The following CRABP1 variants were observed in gnomAD, a reference collection of about 807,000 sequenced individuals.
CRABP1 encodes cellular retinoic acid-binding protein 1.
Under a neutral mutation model 16.4 loss-of-function variants are expected in CRABP1, and 9 were observed. That is an observed-to-expected ratio of 0.55 (90% CI 0.33 to 0.96). CRABP1 has a LOEUF of 0.96. Ranked by LOEUF, CRABP1 falls within the 40% of genes least tolerant of loss-of-function variation. The probability of loss-of-function intolerance (pLI) is 0.03; values close to 1 mark genes in which losing one functional copy is unlikely to be tolerated. For synonymous variants in CRABP1, 72 were observed against 70.4 expected, an observed-to-expected ratio of 1.02 and a Z score of -0.11; for missense variants, 157 against 186.0, an observed-to-expected ratio of 0.84 and a Z score of 0.91.
intron 3 of CRABP1, among the ~76,000 whole-genome samples, chr15:78,346,987 G>GTTTTTTT (rs202225866): frequency 2.8e-5 from 4 of 143,224 alleles, no homozygotes; most frequent in African/African-American, 8.4e-5. Context: ...CTTGGTTTTT[G>GTTTTTTT]TTTTTGTTTT....
At chr15:78,342,814 T>C (rs1329359330) in intron 2 of CRABP1, among the ~76,000 whole-genome samples, 1 of 152,226 alleles carries the variant, frequency 6.6e-6, no homozygotes, top group Non-Finnish European at 1.5e-5. Flanking sequence ...TGATGACAGA[T>C]GTGGTTACAA....
rs1241008432 is a variant in CRABP1, at chr15:78,348,002, C to A, written c.*25C>A. The A allele has an allele frequency of 1.2e-6, 2 of 1,612,406 alleles. No individual in the cohort carries two copies. The highest frequency in any genetic ancestry group is 2.7e-5 in the African/African-American group (2 of 74,946). ...AAGGCAGCTGGCTTGCTCCTACTTT[C>A]AGGAAGGGATGCAGGCTCCCCTGAG... On this transcript the variant is annotated 3_prime_UTR_variant, in exon 4 of 4. Coordinates refer to ENST00000299529, the MANE Select transcript of CRABP1 (RefSeq NM_004378.3).
At position 78,348,067 on chromosome 15, in the gene CRABP1, T is replaced by A. The variant is rs878910450; in HGVS notation, c.*90T>A. 1 of 1,239,312 alleles carries A rather than the reference T, an allele frequency of 8.1e-7. No individual in the cohort carries two copies. Among genetic ancestry groups the A allele is most frequent in the South Asian group, 1.3e-5 (1 of 79,758 alleles). 76.8% of individuals were successfully genotyped at this position (1,239,312 alleles called of 1,614,324 possible). On this transcript the variant is annotated 3_prime_UTR_variant, in exon 4 of 4. Transcript: ENST00000299529. ...TCTGAGCTGCCAGTGGACCGCCCTT[T>A]TCCCCTACCAATATTAGGTGATCCC...
intron 2 of CRABP1, 70 bp from the exon 3 acceptor site, chr15:78,343,429 T>A: frequency 8.5e-7 from 1 of 1,182,696 alleles, no homozygotes; most frequent in East Asian, 2.4e-5. Flanking sequence ...TATTTTTCAA[T>A]GCTCATTGTT....
chr15:78,341,703 A>C lies in CRABP1; in HGVS notation c.249+482A>C. 1 of 178,912 alleles carries C rather than the reference A, an allele frequency of 5.6e-6. No homozygotes were observed. Among genetic ancestry groups the C allele is most frequent in the Non-Finnish European group, 1.2e-5 (1 of 83,518 alleles). 11.1% of individuals were successfully genotyped at this position (178,912 alleles called of 1,614,324 possible). On this transcript the variant is annotated intron_variant, in intron 2 of 3. Transcript: ENST00000299529. The surrounding 1 kb of genome is among the most constrained non-coding windows in gnomAD (Gnocchi z 5.3). ...TTTTAGCAGTCCCGATGGCCCCGTC[A>C]CCTCTCCCTTCCCGCCTTCGGCCTG...
At chr15:78,344,889 C>T (rs142616004) in intron 3 of CRABP1, among the ~76,000 whole-genome samples, 71 of 151,744 alleles carry the variant, frequency 4.7e-4, no homozygotes, top group African/African-American at 1.6e-3. Context: ...GCACTCTAGC[C>T]TGGGCAACAG....
chr15:78,345,158 C>T (rs2050258431), intron 3 of CRABP1, among the ~76,000 whole-genome samples: 1 of 152,112 alleles, frequency 6.6e-6, no homozygotes, highest in Non-Finnish European at 1.5e-5. Context: ...TGAGCATAGG[C>T]CTTCCCTTCC....
Position 78,348,058 on chromosome 15 carries a change from A to G in CRABP1, c.*81A>G. 3 of 1,373,230 alleles carry G rather than the reference A, an allele frequency of 2.2e-6. No individual in the cohort carries two copies. In the South Asian group the frequency reaches 3.6e-5, roughly 16 times the overall value. The allele number at this position is 1,373,230 out of a possible 1,614,324, so 85.1% of individuals were successfully genotyped here. A position where few individuals can be genotyped will look rare whatever the true frequency, so the allele number is the denominator to read the frequency against. On this transcript the variant is annotated 3_prime_UTR_variant, in exon 4 of 4. Coordinates refer to ENST00000299529, the MANE Select transcript of CRABP1 (RefSeq NM_004378.3). ...TGTCATAGTTCTGAGCTGCCAGTGG[A>G]CCGCCCTTTTCCCCTACCAATATTA...
chr15:78,347,928 C>T lies in CRABP1; in HGVS notation c.365C>T (p.Thr122Met), dbSNP rs752894749. The T allele has an allele frequency of 3.1e-6, 5 of 1,614,090 alleles. No individual in the cohort carries two copies. Among genetic ancestry groups the T allele is most frequent in the Non-Finnish European group, 3.4e-6 (4 of 1,179,994 alleles). Residue 122 changes from threonine (T) to methionine (M), a missense_variant and splice_region_variant, in exon 4 of 4, where the codon ACG becomes ATG. Coordinates refer to ENST00000299529, the MANE Select transcript of CRABP1 (RefSeq NM_004378.3). ...TTTTCCTTTTCTTCTTCTCTGCAGA[C>T]GTTTGGCGCCGATGACGTGGTCTGC... ...RELANDELIL[T>M]FGADDVVCTR...
At chr15:78,340,901 C>G in intron 1 of CRABP1, 142 bp from the exon 2 acceptor site, 10 of 864,628 alleles carry the variant, frequency 1.2e-5, no homozygotes, top group Non-Finnish European at 1.7e-5. Flanking sequence ...AGTCTCTCAT[C>G]TCGAAAACAA....
chr15:78,345,217 C>T (rs907210143), intron 3 of CRABP1, among the ~76,000 whole-genome samples: 1 of 152,162 alleles, frequency 6.6e-6, no homozygotes, highest in East Asian at 1.9e-4. Context: ...GAAGTCTGAT[C>T]CCTGAGGTCC....
intron 3 of CRABP1, among the ~76,000 whole-genome samples, chr15:78,345,561 G>A (rs1338898907): frequency 6.6e-6 from 1 of 152,112 alleles, no homozygotes; most frequent in South Asian, 2.1e-4. Flanking sequence ...AGTAGGATCG[G>A]TTTGCTCTGA....
chr15:78,340,574 C>T, intron 1 of CRABP1, 76 bp downstream of exon 1: 1 of 1,523,216 alleles, frequency 6.6e-7, no homozygotes, highest in Non-Finnish European at 8.9e-7. Context: ...GTGCCCCGGT[C>T]CTGGAGGGGG....
intron 3 of CRABP1, among the ~76,000 whole-genome samples, chr15:78,344,387 G>T (rs747263214): frequency 6.6e-6 from 1 of 152,054 alleles, no homozygotes; most frequent in Non-Finnish European, 1.5e-5. Flanking sequence ...TTGAACCCAG[G>T]AGGCGGAGGT....
At position 78,341,471 on chromosome 15, in the gene CRABP1, A is replaced by G; in HGVS notation, c.249+250A>G. 1 of 498,952 alleles carries G rather than the reference A, an allele frequency of 2.0e-6. No homozygotes were observed. The highest frequency in any genetic ancestry group is 2.0e-5 in the South Asian group (1 of 49,356). The allele number at this position is 498,952 out of a possible 1,614,324, so 30.9% of individuals were successfully genotyped here. A position where few individuals can be genotyped will look rare whatever the true frequency, so the allele number is the denominator to read the frequency against. On this transcript the variant is annotated intron_variant, in intron 2 of 3. Transcript: ENST00000299529. The surrounding 1 kb of genome is among the most constrained non-coding windows in gnomAD (Gnocchi z 5.3). ...GGGGTGCTAACAGCCGCGCTTAAAG[A>G]GCGGGCTCTGGGTTGCGCCGCGTTC...
At chr15:78,346,661 C>G (rs564415414) in intron 3 of CRABP1, among the ~76,000 whole-genome samples, 2 of 152,208 alleles carry the variant, frequency 1.3e-5, no homozygotes, top group South Asian at 4.1e-4. Context: ...AGAGTAAGGC[C>G]GTCTCAAAAA....
In CRABP1 at chr15:78,341,108, C is replaced by T. The variant is rs759100516; in HGVS notation, c.136C>T (p.Gln46Ter). Residue 46 changes from glutamine (Q) to a stop codon, truncating the protein, a stop_gained, in exon 2 of 4, where the codon CAG becomes TAG. Transcript: ENST00000299529. LOFTEE classifies it high-confidence loss of function. The surrounding 1 kb of genome is among the most constrained non-coding windows in gnomAD (Gnocchi z 5.3). ...AASKPHVEIR[Q>*]DGDQFYIKTS... is the part of the protein sequence containing the mutation. ...GTCCAAGCCGCACGTGGAGATCCGC[C>T]AGGACGGGGATCAGTTCTACATCAA... 6.2e-7 allele frequency: 1 copy of T among 1,613,036 alleles called. No individual in the cohort carries two copies. The highest frequency in any genetic ancestry group is 1.1e-5 in the South Asian group (1 of 90,976).
rs185560502 is a variant in CRABP1, at chr15:78,341,978, A to G, written c.249+757A>G. Among the ~76,000 whole-genome samples the G allele has an allele frequency of 5.3e-4, 80 of 152,158 alleles. No individual in the cohort carries two copies. Among genetic ancestry groups the G allele is most frequent in the Middle Eastern group, 6.8e-3 (2 of 294 alleles). Reference sequence around the variant, plus strand: ...CTACCACTTATTTAAAAAGTGACAGAATGTCTCCCTCCCCTTCTCCAATTT... The same window carrying G: ...CTACCACTTATTTAAAAAGTGACAGGATGTCTCCCTCCCCTTCTCCAATTT... On this transcript the variant is annotated intron_variant, in intron 2 of 3. Coordinates refer to ENST00000299529, the MANE Select transcript of CRABP1 (RefSeq NM_004378.3). This position sits in a 1 kb window ranked among gnomAD's most constrained non-coding sequence, Gnocchi z 5.3.
chr15:78,341,495 T>G lies in CRABP1; in HGVS notation c.249+274T>G. On this transcript the variant is annotated intron_variant, in intron 2 of 3. Coordinates refer to ENST00000299529, the MANE Select transcript of CRABP1 (RefSeq NM_004378.3). This position sits in a 1 kb window ranked among gnomAD's most constrained non-coding sequence, Gnocchi z 5.3. ...GAGCGGGCTCTGGGTTGCGCCGCGT[T>G]CCCAGCAGTGGCTTTTGCAGCGGTT... 2.3e-6 allele frequency: 1 copy of G among 439,306 alleles called. No homozygotes were observed. The highest frequency in any genetic ancestry group is 4.3e-6 in the Non-Finnish European group (1 of 234,686). 27.2% of individuals were successfully genotyped at this position (439,306 alleles called of 1,614,324 possible). A position where few individuals can be genotyped will look rare whatever the true frequency, so the allele number is the denominator to read the frequency against.
Sources: gnomAD v4.1 joint callset for allele counts (sites outside exome capture counted in the v4.1 genomes callset) on GRCh38, gnomAD v4.1.1 for gene constraint, Gnocchi (gnomAD v3.1) non-coding constraint, MANE v1.5 for transcripts, NCBI Gene and HGNC (gene_info 2026-07-23, HGNC 2026-07-21) for gene names.